FGFR1OP2: variants seen among roughly 807,000 people sequenced by gnomAD.
The protein encoded by FGFR1OP2 is fibroblast growth factor receptor 1 oncogene partner 2.
In FGFR1OP2, 17 loss-of-function variants were observed where a neutral mutation model predicts 35.2. The observed-to-expected ratio is 0.48, with a 90% CI of 0.33 to 0.73. FGFR1OP2 has a LOEUF of 0.73. Among genes scored for constraint, FGFR1OP2 ranks in the 30% least tolerant of loss-of-function variants. The pLI is 0.02. For synonymous variants in FGFR1OP2, 105 were observed against 104.6 expected (o/e 1.00, Z -0.03); for missense variants, 251 against 307.3 (o/e 0.82, Z 1.37).
At chr12:26,942,743 T>A (rs1938756673) in intron 1 of FGFR1OP2, among the ~76,000 whole-genome samples, 1 of 152,234 alleles carries the variant, frequency 6.6e-6, no homozygotes, top group African/African-American at 2.4e-5. Flanking sequence ...TGTTTCTTAT[T>A]TGTCCATATC....
intron 1 of FGFR1OP2, among the ~76,000 whole-genome samples, chr12:26,940,947 A>T (rs1244187160): frequency 6.6e-6 from 1 of 152,212 alleles, no homozygotes; most frequent in Non-Finnish European, 1.5e-5. Context: ...AAAATCTAAA[A>T]GTAAACAGCT....
Position 26,963,385 on chromosome 12 carries a change from T to G in FGFR1OP2, c.554T>G (p.Val185Gly). 3.1e-6 allele frequency: 5 copies of G among 1,610,024 alleles called. No homozygotes were observed. The highest frequency in any genetic ancestry group is 3.4e-6 in the Non-Finnish European group (4 of 1,177,474). The change falls in exon 6 of 7, where the codon GTA becomes GGA. Residue 185 changes from valine (V) to glycine (G), a missense_variant. By Grantham distance (109) the Val-to-Gly change is moderately radical. Coordinates refer to ENST00000229395, the MANE Select transcript of FGFR1OP2 (RefSeq NM_015633.3). ...GACCAGATAACTGAAATGGCAGCAG[T>G]AATGAGGAAAGCCATTGAAATTGAC... ...HVDQITEMAAVMRKAIEIDEQ... is the reference protein window; with the variant it reads ...HVDQITEMAAGMRKAIEIDEQ...
chr12:26,950,291 C>T (rs1199185758), intron 1 of FGFR1OP2, among the ~76,000 whole-genome samples: 2 of 125,224 alleles, frequency 1.6e-5, no homozygotes, highest in South Asian at 2.8e-4. Flanking sequence ...GGCACAATCT[C>T]GGCTCACTGC....
At chr12:26,954,116 T>C (rs1376641203) in intron 1 of FGFR1OP2, 29 bp from the exon 2 acceptor site, 1 of 1,486,398 alleles carries the variant, frequency 6.7e-7, no homozygotes, top group African/African-American at 1.4e-5. Flanking sequence ...TGACTTTATT[T>C]TGAGTCTTGA....
intron 1 of FGFR1OP2, among the ~76,000 whole-genome samples, chr12:26,941,065 G>A (rs1718504039): frequency 6.6e-6 from 1 of 151,442 alleles, no homozygotes; most frequent in South Asian, 2.1e-4. Flanking sequence ...GGTAAAGTGG[G>A]CGAGAATGTG....
intron 1 of FGFR1OP2, among the ~76,000 whole-genome samples, chr12:26,941,905 A>G (rs1938740731): frequency 6.6e-6 from 1 of 152,188 alleles, no homozygotes. Context: ...TATACAGGTA[A>G]AAAGCAAACA....
At chr12:26,959,637 G>A (rs1939073739) in intron 4 of FGFR1OP2, among the ~76,000 whole-genome samples, 1 of 152,104 alleles carries the variant, frequency 6.6e-6, no homozygotes, top group Non-Finnish European at 1.5e-5. Context: ...CATTTCCTAA[G>A]ATAGCTGTAA....
intron 1 of FGFR1OP2, among the ~76,000 whole-genome samples, chr12:26,945,582 T>C (rs1167573924): frequency 6.6e-6 from 1 of 152,204 alleles, no homozygotes; most frequent in Non-Finnish European, 1.5e-5. Flanking sequence ...TTGTACTGGC[T>C]AGGCGTGGTG....
intron 1 of FGFR1OP2, among the ~76,000 whole-genome samples, chr12:26,945,587 G>A (rs1269440136): frequency 4.6e-5 from 7 of 152,154 alleles, no homozygotes; most frequent in Non-Finnish European, 7.3e-5. Flanking sequence ...CTGGCTAGGC[G>A]TGGTGGCTCA....
At chr12:26,959,328 G>A (rs1939069476) in intron 4 of FGFR1OP2, among the ~76,000 whole-genome samples, 1 of 151,848 alleles carries the variant, frequency 6.6e-6, no homozygotes, top group African/African-American at 2.4e-5. Flanking sequence ...AAATTTAAAG[G>A]TATAATAATA....
intron 1 of FGFR1OP2, among the ~76,000 whole-genome samples, chr12:26,947,403 T>C (rs1482553472): frequency 6.6e-6 from 1 of 152,214 alleles, no homozygotes; most frequent in Non-Finnish European, 1.5e-5. Context: ...CAGTATATCC[T>C]CTTTTCCATC....
intron 1 of FGFR1OP2, among the ~76,000 whole-genome samples, chr12:26,951,255 C>T (rs1406848583): frequency 6.6e-6 from 1 of 151,742 alleles, no homozygotes; most frequent in Admixed American, 6.6e-5. Flanking sequence ...TTAAGTGATT[C>T]TCCTGCCTCA....
chr12:26,960,298 A>C (rs1334338738), intron 4 of FGFR1OP2, among the ~76,000 whole-genome samples: 1 of 152,154 alleles, frequency 6.6e-6, no homozygotes, highest in Non-Finnish European at 1.5e-5. Flanking sequence ...CTTAACTAGA[A>C]GTTTTTGAGC....
chr12:26,964,849 C>A lies in FGFR1OP2; in HGVS notation c.*116C>A. On this transcript the variant is annotated 3_prime_UTR_variant, in exon 7 of 7. Transcript: ENST00000229395. ...TTTCTCTGTAAATATGTACAGTGCA[C>A]GGGCTATGAGATAGCAACAAAAAAT... The A allele has an allele frequency of 9.0e-7, 1 of 1,112,476 alleles. No homozygotes were observed. Among genetic ancestry groups the A allele is most frequent in the Non-Finnish European group, 1.3e-6 (1 of 786,648 alleles). The allele number at this position is 1,112,476 out of a possible 1,614,324, so 68.9% of individuals were successfully genotyped here.
intron 2 of FGFR1OP2, among the ~76,000 whole-genome samples, chr12:26,954,944 A>G (rs1938994863): frequency 6.6e-6 from 1 of 152,220 alleles, no homozygotes; most frequent in South Asian, 2.1e-4. Context: ...GATGGAAATC[A>G]GAGGGGGAAA....
intron 1 of FGFR1OP2, among the ~76,000 whole-genome samples, chr12:26,952,454 C>A (rs1391233924): frequency 6.6e-6 from 1 of 152,118 alleles, no homozygotes; most frequent in Non-Finnish European, 1.5e-5. Context: ...CTGAATCTTA[C>A]AAGACAAATC....
At chr12:26,947,669 A>G (rs1191954731) in intron 1 of FGFR1OP2, among the ~76,000 whole-genome samples, 1 of 152,216 alleles carries the variant, frequency 6.6e-6, no homozygotes, top group Non-Finnish European at 1.5e-5. Flanking sequence ...GGTGTGAGCC[A>G]CTATGCCCGG....
intron 5 of FGFR1OP2, chr12:26,962,856 A>G (rs1939122779): frequency 6.6e-6 from 1 of 152,510 alleles, no homozygotes. Flanking sequence ...GGATGTAAAG[A>G]TGCAGTTCCT....
In FGFR1OP2 at chr12:26,964,884, A is replaced by G; in HGVS notation, c.*151A>G. On this transcript the variant is annotated 3_prime_UTR_variant, in exon 7 of 7. Coordinates refer to ENST00000229395, the MANE Select transcript of FGFR1OP2 (RefSeq NM_015633.3). ...GATAGCAACAAAAAATGCATAGTTA[A>G]TGGTCATAGACTTTATTCCAAAACA... The G allele has an allele frequency of 1.5e-6, 1 of 687,150 alleles. No homozygotes were observed. The allele number at this position is 687,150 out of a possible 1,614,324, so 42.6% of individuals were successfully genotyped here. A position where few individuals can be genotyped will look rare whatever the true frequency, so the allele number is the denominator to read the frequency against.
Sources: allele counts gnomAD v4.1 joint callset (sites outside exome capture counted in the v4.1 genomes callset), GRCh38; gene constraint gnomAD v4.1.1; transcripts MANE v1.5; gene names NCBI Gene and HGNC (gene_info 2026-07-23, HGNC 2026-07-21).